Variants in MAEA observed in about 807,000 individuals in gnomAD.
MAEA encodes macrophage erythroblast attacher, E3 ubiquitin ligase, also known as E3 ubiquitin-protein transferase MAEA.
MAEA carries 22 observed loss-of-function variants against 46.2 expected under a neutral mutation model. The ratio of observed to expected loss-of-function variants is 0.48; its 90% CI spans 0.34 to 0.68. The LOEUF (loss-of-function observed/expected upper bound fraction) is 0.68. MAEA is among the 30% of genes least tolerant of loss of function. The pLI is 0.01. For missense variants in MAEA, 393 were observed against 558.1 expected (o/e 0.70, Z 2.98); for synonymous variants, 246 against 222.6 (o/e 1.11, Z -0.94).
intron 3 of MAEA, among the ~76,000 whole-genome samples, chr4:1,318,381 G>A (rs530022652): frequency 4.2e-4 from 64 of 152,354 alleles, no homozygotes; most frequent in African/African-American, 4.6e-4. Context: ...CAGGCCACGC[G>A]TTCCACAGAA....
Position 1,339,707 on chromosome 4 carries a change from CGGG to C in MAEA, c.*541_*543del, listed in dbSNP as rs1713264724. 1 of 155,454 alleles carries C rather than the reference CGGG, an allele frequency of 6.4e-6. No individual in the cohort carries two copies. Among genetic ancestry groups the C allele is most frequent in the East Asian group, 1.9e-4 (1 of 5,218 alleles). 9.6% of individuals were successfully genotyped at this position (155,454 alleles called of 1,614,324 possible). On this transcript the variant is annotated 3_prime_UTR_variant, in exon 9 of 9. Coordinates refer to ENST00000303400, the MANE Select transcript of MAEA (RefSeq NM_001017405.3). ...CCAAAACGCCTGGCGCCGCCACCGTCGGGGGCTGGCTTCGAGGACGCCCGCCTG... is the reference window on the plus strand; with the variant it reads ...CCAAAACGCCTGGCGCCGCCACCGTCGGCTGGCTTCGAGGACGCCCGCCTG...
chr4:1,331,974 G>A (rs1439712601), intron 5 of MAEA: 2 of 152,864 alleles, frequency 1.3e-5, no homozygotes, highest in Non-Finnish European at 2.9e-5. Flanking sequence ...TCAGGGCTGA[G>A]AGGGCTGGGC....
intron 1 of MAEA, among the ~76,000 whole-genome samples, chr4:1,309,159 T>C (rs1736127193): frequency 6.6e-6 from 1 of 152,232 alleles, no homozygotes; most frequent in Non-Finnish European, 1.5e-5. Flanking sequence ...CTAAGCAATA[T>C]TTCTGAGTAG....
intron 1 of MAEA, among the ~76,000 whole-genome samples, chr4:1,303,479 A>G (rs1735533656): frequency 6.6e-6 from 1 of 152,088 alleles, no homozygotes; most frequent in Non-Finnish European, 1.5e-5. Context: ...AAATAGGTAT[A>G]CGAATACCAC....
intron 8 of MAEA, 34 bp from the exon 9 acceptor site, chr4:1,339,040 C>T: frequency 6.6e-7 from 1 of 1,512,348 alleles, no homozygotes; most frequent in East Asian, 2.3e-5. Flanking sequence ...GTTGTAGTCG[C>T]TTGCCTTAAT....
At chr4:1,319,835 T>C (rs559449098) in intron 3 of MAEA, among the ~76,000 whole-genome samples, 1 of 151,162 alleles carries the variant, frequency 6.6e-6, no homozygotes, top group South Asian at 2.1e-4. Flanking sequence ...AGAAAAGAAA[T>C]CATCAAAGCA....
intron 4 of MAEA, among the ~76,000 whole-genome samples, chr4:1,326,609 G>C (rs1271518606): frequency 6.6e-6 from 1 of 152,136 alleles, no homozygotes; most frequent in Non-Finnish European, 1.5e-5. Context: ...ACTTGGTCCT[G>C]CAGGAGCTTC....
chr4:1,295,364 C>T (rs931995553), intron 1 of MAEA, among the ~76,000 whole-genome samples: 1 of 152,082 alleles, frequency 6.6e-6, no homozygotes, highest in Admixed American at 6.5e-5. Context: ...TGTGTTAATA[C>T]CACATTTAGT....
intron 3 of MAEA, among the ~76,000 whole-genome samples, chr4:1,317,843 C>T (rs1232072343): frequency 6.6e-6 from 1 of 152,160 alleles, no homozygotes; most frequent in South Asian, 2.1e-4. Flanking sequence ...TCCGAAGTCT[C>T]CAGGTCATGA....
intron 1 of MAEA, among the ~76,000 whole-genome samples, chr4:1,294,693 T>G (rs79680136): frequency 0.15 from 23,251 of 151,136 alleles, 3,423 homozygotes; most frequent in East Asian, 0.42. Flanking sequence ...GGCCCCTGTC[T>G]ACGCTCCGGT....
intron 3 of MAEA, among the ~76,000 whole-genome samples, chr4:1,316,441 C>T (rs59492392): frequency 0.021 from 3,271 of 152,244 alleles, 129 homozygotes; most frequent in African/African-American, 0.074. Flanking sequence ...GTTAAGGTGG[C>T]GTCCGTGTTC....
chr4:1,337,033 G>C (rs1395961670), intron 7 of MAEA, 39 bp downstream of exon 7: 2 of 1,607,190 alleles, frequency 1.2e-6, no homozygotes, highest in African/African-American at 1.3e-5. Context: ...TTGGCCTGGG[G>C]TTGGCATCTT....
intron 3 of MAEA, among the ~76,000 whole-genome samples, chr4:1,317,370 ATCTGCAGGC>A (rs1737420079): frequency 8.3e-6 from 1 of 120,620 alleles, no homozygotes; most frequent in African/African-American, 3.4e-5. Context: ...CTCCGGACTC[ATCTGCAGGC>A]CCCACACTCC....
chr4:1,332,122 G>T (rs547890424), intron 5 of MAEA: 3 of 152,680 alleles, frequency 2.0e-5, no homozygotes, highest in Non-Finnish European at 4.4e-5. Flanking sequence ...CGGGGTCCGT[G>T]GGGGCGAGCA....
chr4:1,304,606 A>G (rs1003649549), intron 1 of MAEA, among the ~76,000 whole-genome samples: 3 of 151,374 alleles, frequency 2.0e-5, no homozygotes, highest in Non-Finnish European at 2.9e-5. Context: ...ACGCCTGGCT[A>G]ATTTTTTTGT....
rs1713111347 is a variant in MAEA, at chr4:1,338,617, T to C, written c.1095T>C (p.Asn365=). The change falls in exon 8 of 9, where the codon AAT becomes AAC. Residue 365 remains asparagine, a splice_region_variant and synonymous_variant. Transcript: ENST00000303400. ...MLPNGYVYGY[N]SLLSIRQDDK... ...CCAACGGCTACGTCTACGGCTACAA[T>C]GTGAGGGGGGCAGGGCAGGGGGGCC... 6.2e-7 allele frequency: 1 copy of C among 1,602,076 alleles called. No homozygotes were observed. The highest frequency in any genetic ancestry group is 1.3e-5 in the African/African-American group (1 of 74,486).
intron 1 of MAEA, among the ~76,000 whole-genome samples, chr4:1,293,578 T>A (rs1734329189): frequency 6.6e-6 from 1 of 152,214 alleles, no homozygotes; most frequent in South Asian, 2.1e-4. Context: ...GTTCATCACC[T>A]GGAGACCCTG....
intron 1 of MAEA, among the ~76,000 whole-genome samples, chr4:1,293,251 G>C (rs528051476): frequency 6.6e-6 from 1 of 151,798 alleles, no homozygotes; most frequent in Non-Finnish European, 1.5e-5. Context: ...GATGAGTTGG[G>C]TGCGGTGGTG....
intron 3 of MAEA, among the ~76,000 whole-genome samples, chr4:1,316,500 G>T (rs1412545179): frequency 1.3e-5 from 2 of 152,118 alleles, no homozygotes; most frequent in Non-Finnish European, 2.9e-5. Context: ...CAGGACTTGT[G>T]CGAGAGGATT....
Sources: allele counts gnomAD v4.1 joint callset (sites outside exome capture counted in the v4.1 genomes callset), GRCh38; gene constraint gnomAD v4.1.1; transcripts MANE v1.5; gene names NCBI Gene and HGNC (gene_info 2026-07-23, HGNC 2026-07-21).